GRIK1: variants seen among roughly 807,000 people sequenced by gnomAD.
GRIK1 encodes the protein glutamate receptor ionotropic, kainate 1.
In GRIK1, 69 loss-of-function variants were observed where a neutral mutation model predicts 105.7. The ratio of observed to expected loss-of-function variants is 0.65; its 90% confidence interval spans 0.54 to 0.80. The LOEUF is 0.80. GRIK1 is among the 30% of genes least tolerant of loss of function. GRIK1 has a pLI of 0.00. For missense variants in GRIK1, 1,109 were observed against 1,167.3 expected (o/e 0.95, Z 0.73); for synonymous variants, 438 against 431.3 (o/e 1.02, Z -0.19).
chr21:29,747,084 G>A (rs565184391), intron 1 of GRIK1, among the ~76,000 whole-genome samples: 1 of 152,272 alleles, frequency 6.6e-6, no homozygotes, highest in African/African-American at 2.4e-5. Flanking sequence ...ATTGTTCCCT[G>A]AGAGCTAAAC....
intron 1 of GRIK1, among the ~76,000 whole-genome samples, chr21:29,897,492 C>T (rs1205463210): frequency 6.6e-6 from 1 of 152,178 alleles, no homozygotes; most frequent in East Asian, 1.9e-4. Context: ...GCTCACTTTG[C>T]ACATAATTAG....
At chr21:29,740,553 G>A (rs1332782846) in intron 1 of GRIK1, among the ~76,000 whole-genome samples, 2 of 152,118 alleles carry the variant, frequency 1.3e-5, no homozygotes, top group East Asian at 1.9e-4. Flanking sequence ...ACCCCATGAG[G>A]CAGCTCAGAA....
intron 13 of GRIK1, among the ~76,000 whole-genome samples, chr21:29,579,030 A>T (rs1175576832): frequency 6.6e-6 from 1 of 152,150 alleles, no homozygotes; most frequent in African/African-American, 2.4e-5. Flanking sequence ...ATATTTGTAT[A>T]ATTATGTATT....
At chr21:29,868,605 T>C (rs2068905825) in intron 1 of GRIK1, among the ~76,000 whole-genome samples, 1 of 152,154 alleles carries the variant, frequency 6.6e-6, no homozygotes, top group Admixed American at 6.5e-5. Context: ...AGGTACACAC[T>C]AGGAGTTTCT....
chr21:29,749,949 G>A (rs1043983787), intron 1 of GRIK1, among the ~76,000 whole-genome samples: 5 of 151,836 alleles, frequency 3.3e-5, no homozygotes, highest in African/African-American at 1.2e-4. Context: ...AAATTGTGAA[G>A]TCTTTATTAT....
chr21:29,711,695 ACTGCT>A, intron 1 of GRIK1, among the ~76,000 whole-genome samples: 1 of 152,190 alleles, frequency 6.6e-6, no homozygotes, highest in East Asian at 1.9e-4. Flanking sequence ...TTGTAGGTTT[ACTGCT>A]CTATGTAACT....
chr21:29,713,368 A>G (rs2064103385), intron 1 of GRIK1, among the ~76,000 whole-genome samples: 2 of 152,108 alleles, frequency 1.3e-5, no homozygotes, highest in African/African-American at 4.8e-5. Context: ...GTTGTAATTG[A>G]TATTTTATTT....
At chr21:29,800,350 T>G (rs898944802) in intron 1 of GRIK1, among the ~76,000 whole-genome samples, 1 of 152,248 alleles carries the variant, frequency 6.6e-6, no homozygotes, top group Admixed American at 6.5e-5. Context: ...CTCCACCATG[T>G]GTATGCATTC....
intron 1 of GRIK1, among the ~76,000 whole-genome samples, chr21:29,871,940 G>A (rs1395700618): frequency 6.8e-6 from 1 of 146,068 alleles, no homozygotes. Flanking sequence ...ATTTTTGTAT[G>A]TTTTGTAGAG....
chr21:29,823,462 T>C (rs1027810340), intron 1 of GRIK1, among the ~76,000 whole-genome samples: 9 of 151,984 alleles, frequency 5.9e-5, no homozygotes, highest in Non-Finnish European at 1.3e-4. Flanking sequence ...TAAAATATAA[T>C]GTAAATATAC....
intron 1 of GRIK1, among the ~76,000 whole-genome samples, chr21:29,782,707 A>G (rs1201857612): frequency 6.6e-6 from 1 of 152,214 alleles, no homozygotes; most frequent in Non-Finnish European, 1.5e-5. Flanking sequence ...CAGATTTGAA[A>G]CTAGTTTTTC....
At chr21:29,642,030 T>G (rs960572286) in intron 7 of GRIK1, among the ~76,000 whole-genome samples, 3 of 152,182 alleles carry the variant, frequency 2.0e-5, no homozygotes. Flanking sequence ...AGAGAAATAT[T>G]AGAATAGCAT....
At chr21:29,658,419 T>C (rs556443495) in intron 4 of GRIK1, among the ~76,000 whole-genome samples, 3 of 152,272 alleles carry the variant, frequency 2.0e-5, no homozygotes, top group Admixed American at 6.5e-5. Flanking sequence ...CGTACCGCCA[T>C]GCCTGGCTAA....
chr21:29,739,739 G>A (rs1357508536), intron 1 of GRIK1, among the ~76,000 whole-genome samples: 3 of 152,032 alleles, frequency 2.0e-5, no homozygotes, highest in Non-Finnish European at 4.4e-5. Context: ...CAAAATATTG[G>A]CATTTAAAAG....
intron 1 of GRIK1, among the ~76,000 whole-genome samples, chr21:29,808,591 AG>A (rs1213121156): frequency 6.6e-6 from 1 of 152,228 alleles, no homozygotes; most frequent in Admixed American, 6.5e-5. Context: ...AATTACATAA[AG>A]CAAGGCCAAT....
chr21:29,918,206 A>C (rs2071065260), intron 1 of GRIK1, among the ~76,000 whole-genome samples: 1 of 152,106 alleles, frequency 6.6e-6, no homozygotes, highest in Admixed American at 6.6e-5. Flanking sequence ...TAAAAATCCA[A>C]ATTTATTTAT....
At chr21:29,630,679 A>T (rs768065350) in intron 7 of GRIK1, 14 of 437,322 alleles carry the variant, frequency 3.2e-5, no homozygotes, top group Non-Finnish European at 6.5e-5. Flanking sequence ...TGAGCAGAGA[A>T]CACAGCAAAT....
intron 8 of GRIK1, among the ~76,000 whole-genome samples, chr21:29,598,382 A>C (rs1183359082): frequency 6.6e-6 from 1 of 152,210 alleles, no homozygotes; most frequent in Non-Finnish European, 1.5e-5. Flanking sequence ...CTTCTATCCT[A>C]CTTTATTCTG....
chr21:29,915,676 G>T (rs2070971055), intron 1 of GRIK1, among the ~76,000 whole-genome samples: 1 of 152,010 alleles, frequency 6.6e-6, no homozygotes, highest in Non-Finnish European at 1.5e-5. Flanking sequence ...CATAGGATCT[G>T]AGTCTCTGCC....
Sources: gnomAD v4.1 joint callset for allele counts (sites outside exome capture counted in the v4.1 genomes callset) on GRCh38, gnomAD v4.1.1 for gene constraint, MANE v1.5 for transcripts, NCBI Gene and HGNC (gene_info 2026-07-23, HGNC 2026-07-21) for gene names.